Variants in NELL2 observed in about 807,000 individuals in gnomAD.
NELL2 encodes the protein protein kinase C-binding protein NELL2.
NELL2 carries 41 observed loss-of-function variants against 109.6 expected under a neutral mutation model. The ratio of observed to expected loss-of-function variants is 0.37; its 90% CI spans 0.29 to 0.49. The LOEUF is 0.49. Ranked by LOEUF, NELL2 falls within the 20% of genes least tolerant of loss-of-function variation. The pLI, the probability that NELL2 is intolerant of heterozygous loss-of-function variation, is 0.98. For missense variants in NELL2, 900 were observed against 1,008.3 expected, an observed-to-expected ratio of 0.89 and a Z score of 1.45; for synonymous variants, 355 against 344.7, an observed-to-expected ratio of 1.03 and a Z score of -0.33.
intron 11 of NELL2, among the ~76,000 whole-genome samples, chr12:44,704,960 A>T (rs1937779628): frequency 6.6e-6 from 1 of 150,636 alleles, no homozygotes; most frequent in Non-Finnish European, 1.5e-5. Flanking sequence ...CAGAGGTTGC[A>T]GTGAGCCAAG....
At chr12:44,654,902 G>A (rs1345608403) in intron 13 of NELL2, among the ~76,000 whole-genome samples, 2 of 152,140 alleles carry the variant, frequency 1.3e-5, no homozygotes, top group African/African-American at 4.8e-5. Flanking sequence ...TAAGGCACAA[G>A]GAAGGTCAAA....
intron 19 of NELL2, among the ~76,000 whole-genome samples, chr12:44,518,082 TAAAG>T (rs1414032343): frequency 2.0e-5 from 3 of 152,250 alleles, no homozygotes; most frequent in African/African-American, 4.8e-5. Context: ...TAACAAGAGA[TAAAG>T]AAAATAGTAT....
chr12:44,685,938 A>G (rs1948702660), intron 12 of NELL2, among the ~76,000 whole-genome samples: 1 of 151,924 alleles, frequency 6.6e-6, no homozygotes, highest in Non-Finnish European at 1.5e-5. Context: ...CGTTCTCTAT[A>G]TTTCCTGAAT....
At chr12:44,837,579 C>T (rs934048124) in intron 2 of NELL2, among the ~76,000 whole-genome samples, 1 of 152,180 alleles carries the variant, frequency 6.6e-6, no homozygotes, top group Non-Finnish European at 1.5e-5. Flanking sequence ...TTACTATGAG[C>T]CAGGCACAAT....
At chr12:44,708,056 C>A (rs549258322) in intron 11 of NELL2, among the ~76,000 whole-genome samples, 6 of 152,122 alleles carry the variant, frequency 3.9e-5, no homozygotes, top group African/African-American at 1.4e-4. Flanking sequence ...AAAGTGGTTG[C>A]CAAGGAGGAG....
intron 15 of NELL2, among the ~76,000 whole-genome samples, chr12:44,549,439 GA>G (rs1042957990): frequency 2.0e-5 from 3 of 152,150 alleles, no homozygotes; most frequent in Admixed American, 6.5e-5. Context: ...CTGCCAACCA[GA>G]AACACTTAAC....
chr12:44,816,999 T>C (rs1943374962), intron 2 of NELL2, among the ~76,000 whole-genome samples: 2 of 152,270 alleles, frequency 1.3e-5, no homozygotes, highest in Admixed American at 1.3e-4. Context: ...GAGATAGACA[T>C]GTAGTTTGTA....
intron 2 of NELL2, among the ~76,000 whole-genome samples, chr12:44,821,397 C>T (rs1477675075): frequency 6.6e-6 from 1 of 152,090 alleles, no homozygotes; most frequent in Non-Finnish European, 1.5e-5. Flanking sequence ...CAAACAAATG[C>T]AAATAAGAGA....
intron 9 of NELL2, among the ~76,000 whole-genome samples, chr12:44,736,004 CTTTTTTTTTTT>C (rs35988182): frequency 1.0e-5 from 1 of 99,402 alleles, no homozygotes; most frequent in Non-Finnish European, 2.1e-5. Context: ...GCAGTTAATT[CTTTTTTTTTTT>C]TTTTTTTTTT....
chr12:44,697,171 A>T (rs1949086880), intron 12 of NELL2, among the ~76,000 whole-genome samples: 1 of 152,226 alleles, frequency 6.6e-6, no homozygotes, highest in Admixed American at 6.5e-5. Flanking sequence ...AATATTAAAC[A>T]TGGAAATAAA....
At chr12:44,781,753 T>C (rs1286099305) in intron 3 of NELL2, among the ~76,000 whole-genome samples, 1 of 151,982 alleles carries the variant, frequency 6.6e-6, no homozygotes, top group East Asian at 1.9e-4. Context: ...ATATTTTTCA[T>C]GTGACAAAAG....
At chr12:44,519,476 A>T (rs1212351300) in intron 19 of NELL2, among the ~76,000 whole-genome samples, 1 of 152,214 alleles carries the variant, frequency 6.6e-6, no homozygotes, top group Non-Finnish European at 1.5e-5. Flanking sequence ...AACTGTATGA[A>T]TAAAATATGG....
chr12:44,697,376 G>T (rs2136408072), intron 12 of NELL2, among the ~76,000 whole-genome samples: 1 of 152,234 alleles, frequency 6.6e-6, no homozygotes, highest in East Asian at 1.9e-4. Context: ...TCACACTGGG[G>T]CCATTTGGAT....
At chr12:44,586,921 A>G (rs1944529372) in intron 15 of NELL2, among the ~76,000 whole-genome samples, 1 of 152,174 alleles carries the variant, frequency 6.6e-6, no homozygotes, top group African/African-American at 2.4e-5. Context: ...CCTCACATGC[A>G]ATACAAATTA....
At chr12:44,875,076 G>A in intron 2 of NELL2, 149 bp downstream of exon 2, 1 of 1,029,450 alleles carries the variant, frequency 9.7e-7, no homozygotes, top group Non-Finnish European at 1.4e-6. Context: ...AAAGAGATAG[G>A]GATATGTGTC....
At chr12:44,849,553 AG>A (rs1944471005) in intron 2 of NELL2, among the ~76,000 whole-genome samples, 1 of 152,244 alleles carries the variant, frequency 6.6e-6, no homozygotes, top group Non-Finnish European at 1.5e-5. Flanking sequence ...AGTATTGAAC[AG>A]TACAAAATGG....
intron 1 of NELL2, among the ~76,000 whole-genome samples, chr12:44,891,375 A>C (rs1945532249): frequency 6.6e-6 from 1 of 152,198 alleles, no homozygotes; most frequent in African/African-American, 2.4e-5. Context: ...GCAGATTCAC[A>C]TGCAATATGC....
chr12:44,537,951 C>G (rs756107575), intron 15 of NELL2, among the ~76,000 whole-genome samples: 1 of 152,108 alleles, frequency 6.6e-6, no homozygotes, highest in East Asian at 1.9e-4. Flanking sequence ...ATCCTCTGCA[C>G]AAGTTGCACC....
At chr12:44,681,507 G>A (rs945438142) in intron 12 of NELL2, among the ~76,000 whole-genome samples, 5 of 151,714 alleles carry the variant, frequency 3.3e-5, no homozygotes, top group African/African-American at 9.7e-5. Flanking sequence ...ATGCTGGTGC[G>A]CTGCACCCAT....
Sources: gnomAD v4.1 joint callset for allele counts (sites outside exome capture counted in the v4.1 genomes callset) on GRCh38, gnomAD v4.1.1 for gene constraint, MANE v1.5 for transcripts, NCBI Gene and HGNC (gene_info 2026-07-23, HGNC 2026-07-21) for gene names.